The following ADCY9 variants were observed in gnomAD, a reference collection of about 807,000 sequenced individuals.
ADCY9 encodes the protein adenylate cyclase type 9.
ADCY9 carries 50 observed loss-of-function variants against 101.5 expected under a neutral mutation model. That is an observed-to-expected ratio of 0.49 (90% CI 0.39 to 0.62). The LOEUF (loss-of-function observed/expected upper bound fraction) is 0.62, where lower values mean the gene tolerates loss of function less well. Among genes scored for constraint, ADCY9 ranks in the 20% least tolerant of loss-of-function variants. The probability of loss-of-function intolerance (pLI) is 0.00; values close to 1 mark genes in which losing one functional copy is unlikely to be tolerated. For synonymous variants in ADCY9, 905 were observed against 769.3 expected (o/e 1.18, Z -2.92); for missense variants, 1,662 against 1,800.4 (o/e 0.92, Z 1.39).
At chr16:4,082,528 A>G (rs1216399357) in intron 2 of ADCY9, among the ~76,000 whole-genome samples, 1 of 152,162 alleles carries the variant, frequency 6.6e-6, no homozygotes, top group Non-Finnish European at 1.5e-5. Context: ...TGCTTGGGGT[A>G]TCTCCCTTCT....
chr16:4,115,130 G>C lies in ADCY9; in HGVS notation c.313C>G (p.Leu105Val). The C allele has an allele frequency of 6.2e-7, 1 of 1,613,906 alleles. No homozygotes were observed. ...FDSVNLEEACLERCFPQTQRR... is the reference protein window; with the variant it reads ...FDSVNLEEACVERCFPQTQRR... ...TGGGTCTGCGGGAAGCAGCGCTCCA[G>C]GCAGGCCTCCTCCAGGTTCACCGAG... Residue 105 changes from leucine (L) to valine (V), a missense_variant, in exon 2 of 11, where the codon CTG (leucine) becomes GTG (valine). Physicochemically the swap from Leu to Val is conservative, Grantham distance 32. Around this residue, in one of 5 missense-constraint regions of ADCY9, gnomAD observed 422 missense variants for 392.0 expected, o/e 1.08. Coordinates refer to ENST00000294016, the MANE Select transcript of ADCY9 (RefSeq NM_001116.4). This position sits in a 1 kb window ranked among gnomAD's most constrained non-coding sequence, Gnocchi z 6.2.
intron 2 of ADCY9, among the ~76,000 whole-genome samples, chr16:4,010,441 G>A (rs962251249): frequency 6.6e-6 from 1 of 152,234 alleles, no homozygotes; most frequent in Admixed American, 6.5e-5. Context: ...TCACAAGCTG[G>A]GCACGTGCCT....
Position 4,115,812 on chromosome 16 carries a change from C to G in ADCY9, c.-166G>C, listed in dbSNP as rs953110582. ...CGCCGCGCGGCTTCTCCTCCTCGCG[C>G]GCTCGCCTCCTCCAGCTGCGGCTCC... On this transcript the variant is annotated 5_prime_UTR_variant, in exon 1 of 11. Transcript: ENST00000294016. The surrounding 1 kb of genome is among the most constrained non-coding windows in gnomAD (Gnocchi z 6.2). 1 of 399,960 alleles carries G rather than the reference C, an allele frequency of 2.5e-6. No individual in the cohort carries two copies. The highest frequency in any genetic ancestry group is 3.6e-5 in the East Asian group (1 of 27,930). The allele number at this position is 399,960 out of a possible 1,614,324, so 24.8% of individuals were successfully genotyped here.
At position 3,974,699 on chromosome 16, in the gene ADCY9, G is replaced by C. The variant is rs758989525; in HGVS notation, c.2840C>G (p.Thr947Ser). 6.2e-7 allele frequency: 1 copy of C among 1,612,776 alleles called. No homozygotes were observed. The highest frequency in any genetic ancestry group is 8.5e-7 in the Non-Finnish European group (1 of 1,178,958). Residue 947 changes from threonine (T) to serine (S), a missense_variant, in exon 10 of 11, where the codon ACT becomes AGT. By Grantham distance (58) the Thr-to-Ser change is moderately conservative (BLOSUM62 1). Transcript: ENST00000294016. The stretch of plus-strand genomic sequence containing the variant: ...ATTCTGTACTGCGTCAAGGGGCGAA[G>C]TTAATACAGAACTGAAATTAAAATG... ...VSLCPDSSVLTSPLDAVQNFS... is the reference protein window; with the variant it reads ...VSLCPDSSVLSSPLDAVQNFS...
chr16:4,077,769 G>A (rs1434164125), intron 2 of ADCY9, among the ~76,000 whole-genome samples: 1 of 152,196 alleles, frequency 6.6e-6, no homozygotes, highest in Non-Finnish European at 1.5e-5. Flanking sequence ...GAAGGCTGAG[G>A]TGGGTGGATT....
In ADCY9 at chr16:4,043,722, T is replaced by G. The variant is rs2056643514; in HGVS notation, c.1694-36164A>C. On this transcript the variant is annotated intron_variant, in intron 2 of 10. Coordinates refer to ENST00000294016, the MANE Select transcript of ADCY9 (RefSeq NM_001116.4). Reference sequence around the variant, plus strand: ...ATAATAATAAACAATGTGGAGTCTTTTATTCTTTGCCTAGAATTTTCTGTG... The same window carrying G: ...ATAATAATAAACAATGTGGAGTCTTGTATTCTTTGCCTAGAATTTTCTGTG... 2.6e-5 allele frequency among the ~76,000 whole-genome samples: 4 copies of G among 152,208 alleles called. No individual in the cohort carries two copies. The South Asian group carries it at 8.3e-4, about 32-fold the overall frequency.
intron 2 of ADCY9, among the ~76,000 whole-genome samples, chr16:4,065,524 C>T (rs527701681): frequency 7.3e-4 from 111 of 152,232 alleles, no homozygotes; most frequent in African/African-American, 2.6e-3. Flanking sequence ...AGTCGAATGT[C>T]GCACGTCAAT....
At chr16:3,961,712 C>T (rs2055939786), downstream of ADCY9, among the ~76,000 whole-genome samples, 2 of 152,042 alleles carry the variant, frequency 1.3e-5, no homozygotes, top group South Asian at 4.2e-4. Context: ...ATCTTTGTGC[C>T]CTGAAGTTGG....
In ADCY9 at chr16:3,993,414, T is replaced by C. The variant is rs113187435; in HGVS notation, c.1981A>G (p.Ser661Gly). 2,363 of 1,614,036 alleles carry C rather than the reference T, an allele frequency of 1.5e-3. 27 individuals carry two copies. In the African/African-American group the frequency reaches 0.028, roughly 19 times the overall value. The change falls in exon 4 of 11, where the codon AGC (serine) becomes GGC (glycine). Residue 661 changes from serine to glycine, a missense_variant. Coordinates refer to ENST00000294016, the MANE Select transcript of ADCY9 (RefSeq NM_001116.4). The stretch of plus-strand genomic sequence containing the variant: ...AGCCATGAGCTTGTTACCTTGGTGC[T>C]GTTTTTATGCTCGTCTTGGCAGCCG... The part of the protein sequence containing the change: ...QNGCQDEHKN[S>G]TKASGGPNPK...
intron 10 of ADCY9, among the ~76,000 whole-genome samples, chr16:3,974,201 C>G (rs1410457048): frequency 6.6e-6 from 1 of 152,148 alleles, no homozygotes; most frequent in Non-Finnish European, 1.5e-5. Flanking sequence ...GCCACCATGC[C>G]CAGCTAATTT....
chr16:4,017,092 A>AGGCAG (rs2056443624), intron 2 of ADCY9, among the ~76,000 whole-genome samples: 1 of 149,380 alleles, frequency 6.7e-6, no homozygotes, highest in Non-Finnish European at 1.5e-5. Flanking sequence ...TGAGCCCAGG[A>AGGCAG]AATGAAGGCT....
chr16:4,062,200 A>C (rs1414092345), intron 2 of ADCY9, among the ~76,000 whole-genome samples: 1 of 152,186 alleles, frequency 6.6e-6, no homozygotes, highest in Non-Finnish European at 1.5e-5. Flanking sequence ...GACTGTGATG[A>C]GATGCATATT....
chr16:4,115,300 T>C lies in ADCY9; in HGVS notation c.143A>G (p.Tyr48Cys). The C allele has an allele frequency of 1.9e-6, 3 of 1,613,794 alleles. No individual in the cohort carries two copies. Among genetic ancestry groups the C allele is most frequent in the Non-Finnish European group, 2.5e-6 (3 of 1,179,860 alleles). Residue 48 changes from tyrosine (Y) to cysteine (C), a missense_variant, in exon 2 of 11, where the codon TAC (tyrosine) becomes TGC (cysteine). Physicochemically the swap from Tyr to Cys is radical, Grantham distance 194 (BLOSUM62 -2). Coordinates refer to ENST00000294016, the MANE Select transcript of ADCY9 (RefSeq NM_001116.4). The surrounding 1 kb of genome is among the most constrained non-coding windows in gnomAD (Gnocchi z 6.2). ...SSNSHPKHCK[Y>C]SISSSCSSSG... ...GCTGCTGCAGCTAGAGGAGATGCTGTATTTGCAGTGCTTGGGGTGGCTGTT... is the reference window on the plus strand; with the variant it reads ...GCTGCTGCAGCTAGAGGAGATGCTGCATTTGCAGTGCTTGGGGTGGCTGTT...
At chr16:4,008,775 C>T (rs2056384267) in intron 2 of ADCY9, among the ~76,000 whole-genome samples, 1 of 152,196 alleles carries the variant, frequency 6.6e-6, no homozygotes, top group African/African-American at 2.4e-5. Flanking sequence ...GTCGGCCAGA[C>T]TGGCCTAGAA....
Position 4,075,010 on chromosome 16 carries a change from C to T in ADCY9, c.1693+38740G>A, listed in dbSNP as rs1409280294. Among the ~76,000 whole-genome samples the T allele has an allele frequency of 2.6e-5, 4 of 151,938 alleles. 1 individual carries two copies. The highest frequency in any genetic ancestry group is 6.6e-5 in the Admixed American group (1 of 15,246). On this transcript the variant is annotated intron_variant, in intron 2 of 10. Transcript: ENST00000294016. Reference sequence around the variant, plus strand: ...GGGCAACATGGTGAGACCCCGTCTCCACAAAAAAATAGAAAAATTAGCCAG... The same window carrying T: ...GGGCAACATGGTGAGACCCCGTCTCTACAAAAAAATAGAAAAATTAGCCAG...
rs576886042 is a variant in ADCY9 at position 3,968,537 on chromosome 16, C to T, written c.2871-1571G>A. Among the ~76,000 whole-genome samples, 2 of 152,302 alleles carry T rather than the reference C, an allele frequency of 1.3e-5. 1 individual carries two copies. Among genetic ancestry groups the T allele is most frequent in the African/African-American group, 4.8e-5 (2 of 41,568 alleles). ...AAAAGTTTGACAAGACGCCATCTCCCCTGATTCTGGGTTAGTTCTTTTTGC... is the reference window on the plus strand; with the variant it reads ...AAAAGTTTGACAAGACGCCATCTCCTCTGATTCTGGGTTAGTTCTTTTTGC... On this transcript the variant is annotated intron_variant, in intron 10 of 10. Coordinates refer to ENST00000294016, the MANE Select transcript of ADCY9 (RefSeq NM_001116.4).
At chr16:4,024,632 C>T (rs978595147) in intron 2 of ADCY9, among the ~76,000 whole-genome samples, 2 of 152,022 alleles carry the variant, frequency 1.3e-5, no homozygotes, top group African/African-American at 4.8e-5. Flanking sequence ...GGAGTAGAAG[C>T]GGGGGCTCAC....
Position 3,966,123 on chromosome 16 carries a change from C to T in ADCY9, c.3714G>A (p.Lys1238=), listed in dbSNP as rs1217918022. Residue 1238 remains lysine, a synonymous_variant, in exon 11 of 11, where the codon AAG becomes AAA. Transcript: ENST00000294016. ...CCGTGCACTTTGGGTACAGGTAGGT[C>T]TTCATCTGGCCTTTCCCCTTGACAT... ...TVNVKGKGQM[K]TYLYPKCTDH... is the part of the protein sequence containing the mutation. The T allele has an allele frequency of 6.2e-7, 1 of 1,614,236 alleles. No individual in the cohort carries two copies. Among genetic ancestry groups the T allele is most frequent in the Admixed American group, 1.7e-5 (1 of 60,030 alleles).
chr16:4,024,499 T>G (rs1440853798), intron 2 of ADCY9, among the ~76,000 whole-genome samples: 1 of 152,174 alleles, frequency 6.6e-6, no homozygotes, highest in Non-Finnish European at 1.5e-5. Context: ...ATGAACTTGA[T>G]TTGAGTTTCA....
Sources: gnomAD v4.1 joint callset for allele counts (sites outside exome capture counted in the v4.1 genomes callset) on GRCh38, gnomAD v4.1.1 for gene constraint, gnomAD v4.1.1 regional missense constraint, Gnocchi (gnomAD v3.1) non-coding constraint, MANE v1.5 for transcripts, NCBI Gene and HGNC (gene_info 2026-07-23, HGNC 2026-07-21) for gene names.